Variants in ANXA8 observed in about 807,000 individuals in gnomAD.
ANXA8 encodes the protein VAC-beta.
A neutral mutation model predicts 26.8 loss-of-function variants in ANXA8; 9 were observed. The observed-to-expected ratio is 0.34, with a 90% CI of 0.20 to 0.59. The LOEUF (loss-of-function observed/expected upper bound fraction) is 0.59. ANXA8 is among the 20% of genes least tolerant of loss of function. ANXA8 has a pLI of 0.84. For missense variants in ANXA8, 83 were observed against 238.5 expected, an observed-to-expected ratio of 0.35 and a Z score of 4.29; for synonymous variants, 39 against 94.8, an observed-to-expected ratio of 0.41 and a Z score of 3.42.
the ANXA8 span, chr10:47,751,292 T>C: frequency 5.1e-5 from 6 of 117,456 alleles, no homozygotes; most frequent in African/African-American, 1.9e-4. Flanking sequence ...GTGTGTGGAT[T>C]CCTTAGGATT....
the ANXA8 span, among the ~76,000 whole-genome samples, chr10:47,693,754 C>CTCTTTGCTTGT: frequency 6.6e-6 from 1 of 151,734 alleles, no homozygotes; most frequent in Non-Finnish European, 1.5e-5. Context: ...TGCTGAATAC[C>CTCTTTGCTTGT]TCTTTGCTTG....
the ANXA8 span, among the ~76,000 whole-genome samples, chr10:47,699,330 C>T: frequency 1.8e-5 from 2 of 110,360 alleles, no homozygotes; most frequent in African/African-American, 3.8e-5. Flanking sequence ...AGGGACAGAG[C>T]GAGATTCTGT....
At chr10:47,506,804 T>C in the ANXA8 span, among the ~76,000 whole-genome samples, 1 of 142,690 alleles carries the variant, frequency 7.0e-6, no homozygotes. Flanking sequence ...CATGCCCAGC[T>C]AAGTTTTTGT....
chr10:47,729,376 CTG>C, the ANXA8 span, among the ~76,000 whole-genome samples: 2 of 141,990 alleles, frequency 1.4e-5, no homozygotes, highest in Non-Finnish European at 3.1e-5. Flanking sequence ...CCAAGAAAGA[CTG>C]TGATAATTGT....
the ANXA8 span, among the ~76,000 whole-genome samples, chr10:47,527,832 C>T: frequency 2.7e-5 from 4 of 146,878 alleles, no homozygotes; most frequent in East Asian, 2.3e-4. Context: ...TCAACAAAAG[C>T]GTGAGTATAC....
chr10:47,706,005 G>C, the ANXA8 span, among the ~76,000 whole-genome samples: 7,257 of 147,072 alleles, frequency 0.049, 374 homozygotes, highest in African/African-American at 0.17. Context: ...GCGTGTTGTG[G>C]GGGGGGAGGG....
the ANXA8 span, among the ~76,000 whole-genome samples, chr10:47,561,094 T>G: frequency 6.6e-6 from 1 of 151,934 alleles, no homozygotes; most frequent in Non-Finnish European, 1.5e-5. Flanking sequence ...AAATTGTAAA[T>G]TGACAAATTG....
the ANXA8 span, among the ~76,000 whole-genome samples, chr10:47,973,743 T>C: frequency 6.6e-6 from 1 of 151,026 alleles, no homozygotes; most frequent in African/African-American, 2.4e-5. Flanking sequence ...GATTGTTTAT[T>C]GGTAACGAAT....
chr10:47,941,794 G>C, the ANXA8 span, among the ~76,000 whole-genome samples: 1 of 147,798 alleles, frequency 6.8e-6, no homozygotes, highest in Non-Finnish European at 1.5e-5. Flanking sequence ...ACCTACTATG[G>C]GCCAGGCCCA....
the ANXA8 span, chr10:47,696,622 G>C: frequency 1.5e-6 from 1 of 648,400 alleles, no homozygotes; most frequent in Non-Finnish European, 2.4e-6. Flanking sequence ...AACAGTTGGA[G>C]AGTATTGGTT....
the ANXA8 span, among the ~76,000 whole-genome samples, chr10:47,899,579 A>T: frequency 1.9e-5 from 1 of 52,074 alleles, no homozygotes; most frequent in East Asian, 2.8e-4. Flanking sequence ...GCACGATCTC[A>T]GCTCACTGCA....
the ANXA8 span, among the ~76,000 whole-genome samples, chr10:47,702,309 C>A: frequency 6.6e-6 from 1 of 151,192 alleles, no homozygotes; most frequent in South Asian, 2.1e-4. Flanking sequence ...ACCTGGTGCC[C>A]AGATCTTCGT....
At chr10:47,525,742 A>G in the ANXA8 span, among the ~76,000 whole-genome samples, 270 of 132,666 alleles carry the variant, frequency 2.0e-3, 17 homozygotes, top group African/African-American at 7.5e-3. Flanking sequence ...GATGTATAGA[A>G]ATACAATTGA....
chr10:47,763,263 T>G, the ANXA8 span: 1 of 985,358 alleles, frequency 1.0e-6, no homozygotes. Context: ...ACCCGTTCGC[T>G]CTCAGCGGAC....
the ANXA8 span, among the ~76,000 whole-genome samples, chr10:47,711,588 G>A: frequency 6.8e-6 from 1 of 147,934 alleles, no homozygotes; most frequent in Admixed American, 6.6e-5. Flanking sequence ...GATCAAACAG[G>A]GACAGATGTT....
chr10:47,951,072 T>C, the ANXA8 span, among the ~76,000 whole-genome samples: 14 of 150,102 alleles, frequency 9.3e-5, no homozygotes, highest in African/African-American at 3.5e-4. Context: ...TAAAAAGTCA[T>C]AAAACAAACT....
the ANXA8 span, among the ~76,000 whole-genome samples, chr10:47,497,385 G>A: frequency 6.9e-6 from 1 of 144,364 alleles, no homozygotes; most frequent in Non-Finnish European, 1.5e-5. Flanking sequence ...GGAGGCCAAG[G>A]TGGGTGGATC....
At chr10:47,513,371 A>G in the ANXA8 span, among the ~76,000 whole-genome samples, 4 of 142,292 alleles carry the variant, frequency 2.8e-5, 1 homozygote, top group African/African-American at 5.1e-5. Context: ...ACTACAAAAC[A>G]TTGCTGAATG....
chr10:47,563,998 T>G, the ANXA8 span, among the ~76,000 whole-genome samples: 2 of 142,892 alleles, frequency 1.4e-5, no homozygotes, highest in African/African-American at 5.3e-5. Context: ...CTTTTTAAAG[T>G]GGTGAAGAGC....
Sources: gnomAD v4.1 joint callset for allele counts (sites outside exome capture counted in the v4.1 genomes callset) on GRCh38, gnomAD v4.1.1 for gene constraint, MANE v1.5 for transcripts, NCBI Gene and HGNC (gene_info 2026-07-23, HGNC 2026-07-21) for gene names.